Variants in BCKDHB observed in about 807,000 individuals in gnomAD.
BCKDHB encodes the protein branched chain keto acid dehydrogenase E1 subunit beta.
Under a neutral mutation model 48.5 loss-of-function variants are expected in BCKDHB, and 41 were observed. That is an observed-to-expected ratio of 0.85 (90% CI 0.66 to 1.10). The LOEUF (loss-of-function observed/expected upper bound fraction) is 1.10. Among genes scored for constraint, BCKDHB ranks in the 50% least tolerant of loss-of-function variants. The pLI is 0.00. For synonymous variants in BCKDHB, 201 were observed against 174.8 expected (o/e 1.15, Z -1.18); for missense variants, 496 against 494.2 (o/e 1.00, Z -0.03).
chr6:80,433,072 A>G, the BCKDHB span, among the ~76,000 whole-genome samples: 1 of 152,080 alleles, frequency 6.6e-6, no homozygotes, highest in African/African-American at 2.4e-5. Flanking sequence ...TGCCAGCCAG[A>G]GCTCTCCTGT....
At chr6:80,404,203 G>T in the BCKDHB span, among the ~76,000 whole-genome samples, 1 of 151,922 alleles carries the variant, frequency 6.6e-6, no homozygotes, top group Non-Finnish European at 1.5e-5. Context: ...ACAGATCCTA[G>T]TCTTTCTTTT....
At chr6:80,418,930 G>A in the BCKDHB span, among the ~76,000 whole-genome samples, 3 of 152,180 alleles carry the variant, frequency 2.0e-5, no homozygotes, top group Non-Finnish European at 4.4e-5. Context: ...GTTGGCTCCA[G>A]TTGGGTGTGG....
intron 3 of BCKDHB, among the ~76,000 whole-genome samples, chr6:80,135,617 C>T (rs1424882527): frequency 7.2e-5 from 11 of 151,934 alleles, no homozygotes; most frequent in Admixed American, 7.2e-4. Flanking sequence ...TTTAATATGC[C>T]TTTTTTTCCC....
chr6:80,377,069 C>T, the BCKDHB span, among the ~76,000 whole-genome samples: 3 of 141,622 alleles, frequency 2.1e-5, no homozygotes, highest in Non-Finnish European at 4.5e-5. Context: ...GATGAAGTCT[C>T]ACTCTGTCAT....
chr6:80,411,124 G>GT, the BCKDHB span, among the ~76,000 whole-genome samples: 1,688 of 152,214 alleles, frequency 0.011, 17 homozygotes, highest in African/African-American at 0.026. Context: ...CTACAGATGG[G>GT]TTTTTTGTGT....
intron 1 of BCKDHB, among the ~76,000 whole-genome samples, chr6:80,121,427 G>A (rs566033376): frequency 1.6e-3 from 245 of 152,264 alleles, no homozygotes; most frequent in Non-Finnish European, 2.7e-3. Context: ...GATGGGGATG[G>A]CACTGAATCT....
the BCKDHB span, among the ~76,000 whole-genome samples, chr6:80,418,738 T>C: frequency 6.6e-6 from 1 of 152,176 alleles, no homozygotes; most frequent in Non-Finnish European, 1.5e-5. Context: ...TGCTTCATAG[T>C]GTGGTGACAG....
intron 8 of BCKDHB, among the ~76,000 whole-genome samples, chr6:80,220,405 GTT>G (rs58469565): frequency 0.032 from 1,089 of 33,832 alleles, 31 homozygotes; most frequent in African/African-American, 0.084. Flanking sequence ...CTTTAGTAGT[GTT>G]TTTTTTTTTT....
At chr6:80,250,539 C>T (rs1486120394) in intron 8 of BCKDHB, among the ~76,000 whole-genome samples, 1 of 152,116 alleles carries the variant, frequency 6.6e-6, no homozygotes, top group Non-Finnish European at 1.5e-5. Context: ...ATCTTGAAGA[C>T]AGGAAGAGTC....
At chr6:80,331,646 G>A (rs374883034) in intron 9 of BCKDHB, among the ~76,000 whole-genome samples, 7 of 152,142 alleles carry the variant, frequency 4.6e-5, no homozygotes, top group East Asian at 3.9e-4. Flanking sequence ...ATCTGCAGTC[G>A]GTTGTTCTGA....
At chr6:80,440,857 CTT>C in the BCKDHB span, 1 of 152,032 alleles carries the variant, frequency 6.6e-6, no homozygotes, top group African/African-American at 2.4e-5. Context: ...GGAGTGGACT[CTT>C]TGTTTGATGG....
chr6:80,451,250 A>C, the BCKDHB span, among the ~76,000 whole-genome samples: 2 of 150,558 alleles, frequency 1.3e-5, no homozygotes, highest in African/African-American at 5.0e-5. Flanking sequence ...AAAGCATATA[A>C]AAAGTGGTGA....
the BCKDHB span, among the ~76,000 whole-genome samples, chr6:80,432,062 A>G: frequency 6.6e-6 from 1 of 151,894 alleles, no homozygotes; most frequent in Non-Finnish European, 1.5e-5. Context: ...AGAGAGATCC[A>G]CTGTTAGTCT....
chr6:80,127,543 A>G lies in BCKDHB; in HGVS notation c.197-4A>G. On this transcript the variant is annotated splice_region_variant and splice_polypyrimidine_tract_variant and intron_variant, in intron 1 of 9. Transcript: ENST00000320393. ...CGAAATGATTTTTTTTTTGATTTTC[A>G]CAGGGCAAACTCAGAAAATGAATCT... 2 of 1,610,324 alleles carry G rather than the reference A, an allele frequency of 1.2e-6. No individual in the cohort carries two copies. The highest frequency in any genetic ancestry group is 8.5e-7 in the Non-Finnish European group (1 of 1,177,716).
At chr6:80,158,440 A>C (rs1772157117) in intron 3 of BCKDHB, among the ~76,000 whole-genome samples, 1 of 152,180 alleles carries the variant, frequency 6.6e-6, no homozygotes, top group Non-Finnish European at 1.5e-5. Flanking sequence ...AATTTGAAGA[A>C]TATTGTTGTA....
chr6:80,229,300 A>G (rs574185846), intron 8 of BCKDHB, among the ~76,000 whole-genome samples: 1 of 152,364 alleles, frequency 6.6e-6, no homozygotes, highest in South Asian at 2.1e-4. Flanking sequence ...GGGAAGGGCT[A>G]TGATAGATGG....
At chr6:80,282,705 T>C (rs1261105973) in intron 9 of BCKDHB, among the ~76,000 whole-genome samples, 6 of 152,074 alleles carry the variant, frequency 3.9e-5, no homozygotes, top group Admixed American at 2.0e-4. Context: ...AAAAACTTTA[T>C]ATATACATAC....
intron 8 of BCKDHB, 121 bp downstream of exon 8, chr6:80,203,333 C>T: frequency 1.3e-6 from 1 of 756,990 alleles, no homozygotes; most frequent in Non-Finnish European, 2.3e-6. Context: ...TGATTTAAAA[C>T]TTTTAAATTT....
chr6:80,226,377 G>A (rs1562153296), intron 8 of BCKDHB, among the ~76,000 whole-genome samples: 1 of 152,136 alleles, frequency 6.6e-6, no homozygotes, highest in Non-Finnish European at 1.5e-5. Flanking sequence ...GGGAAGGGCG[G>A]CGCATTGAAA....
Sources: allele counts gnomAD v4.1 joint callset (sites outside exome capture counted in the v4.1 genomes callset), GRCh38; gene constraint gnomAD v4.1.1; transcripts MANE v1.5; gene names NCBI Gene and HGNC (gene_info 2026-07-23, HGNC 2026-07-21).